FRMPD4: variants seen among roughly 807,000 people sequenced by gnomAD.
FRMPD4 encodes the protein FERM and PDZ domain containing 4.
A neutral mutation model predicts 94.1 loss-of-function variants in FRMPD4; 22 were observed. That is an observed-to-expected ratio of 0.23 (90% CI 0.17 to 0.33). The LOEUF (loss-of-function observed/expected upper bound fraction) is 0.33, where lower values mean the gene tolerates loss of function less well. FRMPD4 is among the 10% of genes least tolerant of loss of function. The probability of loss-of-function intolerance (pLI) is 1.00; values close to 1 mark genes in which losing one functional copy is unlikely to be tolerated. For missense variants in FRMPD4, 1,111 were observed against 1,339.9 expected, an observed-to-expected ratio of 0.83 and a Z score of 2.67; for synonymous variants, 631 against 548.6, an observed-to-expected ratio of 1.15 and a Z score of -2.10.
At chrX:12,412,888 G>T (rs150810465) in intron 1 of FRMPD4, among the ~76,000 whole-genome samples, 1,258 of 111,698 alleles carry the variant, frequency 0.011, 12 homozygotes, top group Non-Finnish European at 0.02. Context: ...ATCAACAAGG[G>T]TCCTGGTAGC....
At chrX:12,698,504 G>T (rs2060155929) in intron 9 of FRMPD4, among the ~76,000 whole-genome samples, 1 of 111,144 alleles carries the variant, frequency 9.0e-6, no homozygotes, top group African/African-American at 3.3e-5. Context: ...GAAGCCTCAA[G>T]TGGAGCCTTT....
chrX:12,647,676 C>T (rs1355757780), intron 4 of FRMPD4, among the ~76,000 whole-genome samples: 1 of 111,963 alleles, frequency 8.9e-6, no homozygotes, highest in African/African-American at 3.2e-5. Flanking sequence ...CCTCTTTTTA[C>T]CATTTTCTGA....
chrX:12,407,876 T>C (rs1249856337), intron 1 of FRMPD4, among the ~76,000 whole-genome samples: 1 of 111,284 alleles, frequency 9.0e-6, no homozygotes, highest in Non-Finnish European at 1.9e-5. Context: ...ATCCTTAATC[T>C]AGAATATTGT....
At chrX:12,265,000 C>T (rs770324423) in intron 1 of FRMPD4, among the ~76,000 whole-genome samples, 12 of 112,207 alleles carry the variant, frequency 1.1e-4, no homozygotes, top group African/African-American at 3.9e-4. Flanking sequence ...TACATTACCA[C>T]TGGTAATATA....
chrX:11,850,392 A>G, intron 1 of FRMPD4, among the ~76,000 whole-genome samples: 1 of 112,681 alleles, frequency 8.9e-6, no homozygotes, highest in Middle Eastern at 4.6e-3. Context: ...AGAGTATGAT[A>G]GTTCCTCAAA....
chrX:11,829,342 T>C (rs942681751), intron 1 of FRMPD4, among the ~76,000 whole-genome samples: 3 of 111,999 alleles, frequency 2.7e-5, no homozygotes, highest in Non-Finnish European at 5.6e-5. Context: ...CAGGCTATTA[T>C]AGAAATCTAT....
At chrX:12,118,969 C>T (rs2055432430) in intron 3 of FRMPD4, among the ~76,000 whole-genome samples, 1 of 111,254 alleles carries the variant, frequency 9.0e-6, no homozygotes. Flanking sequence ...CTCCCAGATA[C>T]ATGACCTTAG....
At chrX:12,160,834 T>C (rs1390819932) in intron 1 of FRMPD4, among the ~76,000 whole-genome samples, 3 of 111,312 alleles carry the variant, frequency 2.7e-5, no homozygotes, top group African/African-American at 9.8e-5. Flanking sequence ...ATATTAGTGT[T>C]ATTATGAGTA....
chrX:12,139,269 T>C (rs2055653361), intron 1 of FRMPD4, among the ~76,000 whole-genome samples: 1 of 111,459 alleles, frequency 9.0e-6, no homozygotes, highest in Non-Finnish European at 1.9e-5. Context: ...CAGTTTGTTT[T>C]CCCTAAGGAA....
At chrX:12,312,979 C>T (rs1329599344) in intron 1 of FRMPD4, among the ~76,000 whole-genome samples, 1 of 110,709 alleles carries the variant, frequency 9.0e-6, no homozygotes, top group African/African-American at 3.3e-5. Flanking sequence ...TATGGGGGAG[C>T]GATGGATGGA....
intron 9 of FRMPD4, among the ~76,000 whole-genome samples, chrX:12,698,282 T>C (rs1007647489): frequency 8.9e-6 from 1 of 111,880 alleles, no homozygotes; most frequent in Non-Finnish European, 1.9e-5. Context: ...AGCATATATA[T>C]TAACAATAAA....
chrX:12,701,474 C>A (rs2060190351), intron 9 of FRMPD4, among the ~76,000 whole-genome samples: 1 of 111,042 alleles, frequency 9.0e-6, no homozygotes. Flanking sequence ...CAAGTTTGTG[C>A]CCCTAATGAA....
At chrX:12,523,942 G>A (rs1179314813) in intron 2 of FRMPD4, among the ~76,000 whole-genome samples, 1 of 111,066 alleles carries the variant, frequency 9.0e-6, no homozygotes, top group African/African-American at 3.3e-5. Flanking sequence ...ATCTCTTGAG[G>A]CCAGGAGTTC....
rs779680766 is a variant in FRMPD4 at position 12,359,198 on chromosome X, G to C, written c.42-139482G>C. Reference sequence around the variant, plus strand: ...TAGAGATGAATAGAATGAACTAACTGATGGAAATCCAGGGCATAGTCCCCA... The same window carrying C: ...TAGAGATGAATAGAATGAACTAACTCATGGAAATCCAGGGCATAGTCCCCA... On this transcript the variant is annotated intron_variant, in intron 1 of 16. Transcript: ENST00000675598. Among the ~76,000 whole-genome samples the C allele has an allele frequency of 5.4e-5, 6 of 111,916 alleles. No individual in the cohort carries two copies. In the South Asian group the frequency reaches 2.3e-3, roughly 42 times the overall value.
Position 12,723,498 on chromosome X carries a change from T to C in FRMPD4, c.*1640T>C, listed in dbSNP as rs1199429470. 1 of 112,209 alleles carries C rather than the reference T, an allele frequency of 8.9e-6. No individual in the cohort carries two copies. The highest frequency in any genetic ancestry group is 1.9e-5 in the Non-Finnish European group (1 of 53,280). The allele number at this position is 112,209 out of a possible 1,213,427, so 9.2% of individuals were successfully genotyped here. A position where few individuals can be genotyped will look rare whatever the true frequency, so the allele number is the denominator to read the frequency against. On this transcript the variant is annotated 3_prime_UTR_variant, in exon 17 of 17. Transcript: ENST00000675598. ...CAAAGGAAAGGAGTTTAGGTGTGTG[T>C]TATTATAAATAATGTTTAACTAAAT... is the stretch of plus-strand genomic sequence containing the variant.
intron 1 of FRMPD4, among the ~76,000 whole-genome samples, chrX:12,392,536 C>T (rs1173758680): frequency 1.8e-5 from 2 of 109,000 alleles, no homozygotes; most frequent in Admixed American, 9.7e-5. Context: ...GCCTGTAGTC[C>T]GGACTACTTG....
At chrX:12,440,207 A>G (rs1435535194) in intron 1 of FRMPD4, among the ~76,000 whole-genome samples, 1 of 112,415 alleles carries the variant, frequency 8.9e-6, no homozygotes, top group African/African-American at 3.2e-5. Context: ...CAAATATTGC[A>G]TACAACCTAC....
intron 1 of FRMPD4, among the ~76,000 whole-genome samples, chrX:12,345,013 C>T (rs2055679051): frequency 8.9e-6 from 1 of 112,073 alleles, no homozygotes; most frequent in South Asian, 3.7e-4. Flanking sequence ...CAAGAAATTC[C>T]AGGCCTCATC....
chrX:12,441,626 G>A (rs1293716780), intron 1 of FRMPD4, among the ~76,000 whole-genome samples: 1 of 111,828 alleles, frequency 8.9e-6, no homozygotes, highest in Non-Finnish European at 1.9e-5. Context: ...AAACTGAGAA[G>A]CTGGGGAAAG....
Sources: gnomAD v4.1 joint callset for allele counts (sites outside exome capture counted in the v4.1 genomes callset) on GRCh38, gnomAD v4.1.1 for gene constraint, MANE v1.5 for transcripts, NCBI Gene and HGNC (gene_info 2026-07-23, HGNC 2026-07-21) for gene names.